Variants in SCAPER observed in about 807,000 individuals in gnomAD.
The protein encoded by SCAPER is S phase cyclin A-associated protein in the endoplasmic reticulum.
In SCAPER, 98 loss-of-function variants were observed where a neutral mutation model predicts 182.2. The ratio of observed to expected loss-of-function variants is 0.54; its 90% CI spans 0.46 to 0.64. The LOEUF is 0.64. Ranked by LOEUF, SCAPER falls within the 30% of genes least tolerant of loss-of-function variation. The pLI is 0.00. For missense variants in SCAPER, 1,432 were observed against 1,690.0 expected, an observed-to-expected ratio of 0.85 and a Z score of 2.68; for synonymous variants, 605 against 564.6, an observed-to-expected ratio of 1.07 and a Z score of -1.01.
chr15:76,763,358 G>C (rs747303531), intron 14 of SCAPER, among the ~76,000 whole-genome samples: 1 of 147,190 alleles, frequency 6.8e-6, no homozygotes, highest in East Asian at 2.0e-4. Flanking sequence ...GGGGGTGGTG[G>C]GGGGGCAGGT....
intron 21 of SCAPER, among the ~76,000 whole-genome samples, 176 bp downstream of exon 21, chr15:76,665,477 C>A (rs1175649941): frequency 6.6e-6 from 1 of 152,104 alleles, no homozygotes; most frequent in Non-Finnish European, 1.5e-5. Context: ...GGCTTTAGAT[C>A]GATATGCAGT....
At chr15:76,466,903 C>T (rs887811056) in intron 25 of SCAPER, among the ~76,000 whole-genome samples, 9 of 152,016 alleles carry the variant, frequency 5.9e-5, no homozygotes, top group African/African-American at 9.7e-5. Context: ...TTTGGATTTG[C>T]GTCCCTGCCC....
At chr15:76,689,892 T>A (rs2058255934) in intron 20 of SCAPER, among the ~76,000 whole-genome samples, 1 of 147,398 alleles carries the variant, frequency 6.8e-6, no homozygotes, top group African/African-American at 2.5e-5. Flanking sequence ...GTATTAGCAA[T>A]AAGATAATGT....
At position 76,702,905 on chromosome 15, in the gene SCAPER, G is replaced by A. The variant is rs757935817; in HGVS notation, c.2345C>T (p.Ala782Val). 9 of 1,610,640 alleles carry A rather than the reference G, an allele frequency of 5.6e-6. No individual in the cohort carries two copies. Among genetic ancestry groups the A allele is most frequent in the Non-Finnish European group, 2.5e-6 (3 of 1,178,964 alleles). Reference protein sequence around the residue: ...SSGRHANTDYAPKLTPYERKK... With the variant: ...SSGRHANTDYVPKLTPYERKK... ...TCTTTCATAAGGGGTCAGTTTGGGG[G>A]CATAATCAGTATTTGCATGTCGCCC... Residue 782 changes from alanine to valine, a missense_variant, in exon 19 of 32, where the codon GCC (alanine) becomes GTC (valine). This residue lies in a region of SCAPER where 718 missense variants were observed against 799.7 expected (regional missense o/e 0.90). Transcript: ENST00000563290.
intron 25 of SCAPER, among the ~76,000 whole-genome samples, chr15:76,468,341 T>C (rs1215038670): frequency 6.6e-6 from 1 of 152,164 alleles, no homozygotes; most frequent in African/African-American, 2.4e-5. Flanking sequence ...CAAATGTGTT[T>C]GGCAAACTAA....
At chr15:76,393,901 T>G (rs955537652) in intron 27 of SCAPER, among the ~76,000 whole-genome samples, 1 of 152,178 alleles carries the variant, frequency 6.6e-6, no homozygotes, top group African/African-American at 2.4e-5. Context: ...ACCACAGATG[T>G]GTGAATAAGC....
At chr15:76,815,052 C>CA (rs397825301) in intron 5 of SCAPER, among the ~76,000 whole-genome samples, 60 of 13,656 alleles carry the variant, frequency 4.4e-3, no homozygotes, top group South Asian at 0.018. Context: ...CAAATTAAAA[C>CA]AAAAAAAAAA....
At chr15:76,802,877 G>A (rs1328892619) in intron 6 of SCAPER, among the ~76,000 whole-genome samples, 1 of 152,152 alleles carries the variant, frequency 6.6e-6, no homozygotes, top group South Asian at 2.1e-4. Flanking sequence ...TTACTTAGAT[G>A]TCTAAACTAA....
At chr15:76,743,809 C>T in intron 15 of SCAPER, among the ~76,000 whole-genome samples, 1 of 151,978 alleles carries the variant, frequency 6.6e-6, no homozygotes, top group East Asian at 1.9e-4. Context: ...CGTATGGAAC[C>T]AAAAAAGTGC....
chr15:76,406,060 T>G (rs1567073217), intron 26 of SCAPER, among the ~76,000 whole-genome samples: 1 of 152,174 alleles, frequency 6.6e-6, no homozygotes, highest in Non-Finnish European at 1.5e-5. Flanking sequence ...AGACCTCTTC[T>G]AGTAAAGGAA....
intron 25 of SCAPER, among the ~76,000 whole-genome samples, chr15:76,439,631 C>T (rs1310439387): frequency 6.6e-6 from 1 of 152,204 alleles, no homozygotes; most frequent in African/African-American, 2.4e-5. Flanking sequence ...GGGCCAAGGG[C>T]CTGTCCTTTG....
In SCAPER at chr15:76,816,931, C is replaced by A. The variant is rs565746268; in HGVS notation, c.394-12298G>T. ...CCTCCCAAAGTGCTGGGATTACAGGCGTGAGCCACCGTGCCTGGCTGCCAG... is the reference window on the plus strand; with the variant it reads ...CCTCCCAAAGTGCTGGGATTACAGGAGTGAGCCACCGTGCCTGGCTGCCAG... On this transcript the variant is annotated intron_variant, in intron 5 of 31. Coordinates refer to ENST00000563290, the MANE Select transcript of SCAPER (RefSeq NM_020843.4). Among the ~76,000 whole-genome samples, 5 of 152,236 alleles carry A rather than the reference C, an allele frequency of 3.3e-5. No homozygotes were observed. In the East Asian group the frequency reaches 7.7e-4, roughly 24 times the overall value.
chr15:76,794,544 A>G (rs1449826801), intron 8 of SCAPER, among the ~76,000 whole-genome samples: 1 of 152,232 alleles, frequency 6.6e-6, no homozygotes, highest in Admixed American at 6.5e-5. Flanking sequence ...CAAAGACAGC[A>G]ATGTCTTTTG....
At chr15:76,671,729 C>T (rs1028422054) in intron 20 of SCAPER, among the ~76,000 whole-genome samples, 2 of 151,588 alleles carry the variant, frequency 1.3e-5, no homozygotes, top group Non-Finnish European at 2.9e-5. Flanking sequence ...GAGATCGCAC[C>T]ACTGCACTCC....
At chr15:76,768,840 AT>A (rs1023658546) in intron 10 of SCAPER, among the ~76,000 whole-genome samples, 13 of 142,788 alleles carry the variant, frequency 9.1e-5, no homozygotes, top group African/African-American at 2.8e-4. Context: ...AAAAAAAAAA[AT>A]ATATATATAC....
rs2053253769 is a variant in SCAPER at position 76,632,959 on chromosome 15, GAGACAGGGT to G, written c.2646-11139_2646-11131del. On this transcript the variant is annotated intron_variant, in intron 21 of 31. Coordinates refer to ENST00000563290, the MANE Select transcript of SCAPER (RefSeq NM_020843.4). Reference sequence around the variant, plus strand: ...CCGGCTCAATTTTGTATTTTTAATAGAGACAGGGTTTCACCATATTGGCCAGGCTGGTCT... The same window carrying G: ...CCGGCTCAATTTTGTATTTTTAATAGTTCACCATATTGGCCAGGCTGGTCT... Among the ~76,000 whole-genome samples the G allele has an allele frequency of 2.0e-5, 3 of 151,804 alleles. No homozygotes were observed. In the South Asian group the frequency reaches 6.2e-4, roughly 32 times the overall value.
intron 22 of SCAPER, among the ~76,000 whole-genome samples, chr15:76,583,422 G>A (rs904097792): frequency 2.6e-5 from 4 of 151,478 alleles, no homozygotes; most frequent in Non-Finnish European, 4.4e-5. Context: ...GGACAAATGG[G>A]ATCACATCAA....
chr15:76,475,802 C>T (rs2050582602), intron 24 of SCAPER, among the ~76,000 whole-genome samples: 1 of 152,144 alleles, frequency 6.6e-6, no homozygotes, highest in Non-Finnish European at 1.5e-5. Flanking sequence ...GGGTGTGTTC[C>T]TTTGTGATAC....
chr15:76,530,937 A>G (rs951916556), intron 23 of SCAPER, among the ~76,000 whole-genome samples: 2 of 151,442 alleles, frequency 1.3e-5, no homozygotes, highest in African/African-American at 2.4e-5. Context: ...GTATGTATAC[A>G]TATATATGTA....
Sources: allele counts gnomAD v4.1 joint callset (sites outside exome capture counted in the v4.1 genomes callset), GRCh38; gene constraint gnomAD v4.1.1; regional missense constraint gnomAD v4.1.1; transcripts MANE v1.5; gene names NCBI Gene and HGNC (gene_info 2026-07-23, HGNC 2026-07-21).